Variants in PPP3CC observed in about 807,000 individuals in gnomAD.
PPP3CC encodes protein phosphatase 3 catalytic subunit gamma, also known as serine/threonine-protein phosphatase 2B catalytic subunit gamma isoform.
In PPP3CC, 35 loss-of-function variants were observed where a neutral mutation model predicts 60.3. The observed-to-expected ratio is 0.58, with a 90% confidence interval of 0.44 to 0.77. The LOEUF (loss-of-function observed/expected upper bound fraction) is 0.77, where lower values mean the gene tolerates loss of function less well. Among genes scored for constraint, PPP3CC ranks in the 30% least tolerant of loss-of-function variants. The probability of loss-of-function intolerance (pLI) is 0.00; values close to 1 mark genes in which losing one functional copy is unlikely to be tolerated. For synonymous variants in PPP3CC, 206 were observed against 224.3 expected (o/e 0.92, Z 0.73); for missense variants, 570 against 628.9 (o/e 0.91, Z 1.00).
intron 1 of PPP3CC, among the ~76,000 whole-genome samples, chr8:22,456,739 A>G (rs1837206093): frequency 2.0e-5 from 3 of 152,326 alleles, no homozygotes; most frequent in East Asian, 1.9e-4. Context: ...CTTCCCCTGT[A>G]TAGCTACACC....
chr8:22,462,085 A>G (rs544197534), intron 1 of PPP3CC, among the ~76,000 whole-genome samples: 1 of 152,090 alleles, frequency 6.6e-6, no homozygotes, highest in African/African-American at 2.4e-5. Flanking sequence ...AAATTTTTTT[A>G]AAATTAAAAT....
chr8:22,540,590 C>T, intron 13 of PPP3CC, 25 bp from the exon 14 acceptor site: 7 of 1,604,794 alleles, frequency 4.4e-6, no homozygotes, highest in Non-Finnish European at 5.1e-6. Flanking sequence ...TGAGCTCTCT[C>T]CACCTGCTTC....
At position 22,501,272 on chromosome 8, in the gene PPP3CC, T is replaced by C. The variant is rs540409403; in HGVS notation, c.484+3160T>C. 4.3e-4 allele frequency among the ~76,000 whole-genome samples: 66 copies of C among 152,380 alleles called. No individual in the cohort carries two copies. In the Middle Eastern group the frequency reaches 0.01, roughly 24 times the overall value. On this transcript the variant is annotated intron_variant, in intron 4 of 13. Coordinates refer to ENST00000240139, the MANE Select transcript of PPP3CC (RefSeq NM_005605.5). ...GATCTAGCAATTTCATTTGTAGGAA[T>C]TTATTATGCAGATTGTGTTACTTTT...
chr8:22,498,219 C>T (rs1410409632), intron 4 of PPP3CC, 107 bp downstream of exon 4: 2 of 599,002 alleles, frequency 3.3e-6, no homozygotes, highest in African/African-American at 3.8e-5. Flanking sequence ...TGCTTCCTGT[C>T]CTGTTGTTAT....
intron 1 of PPP3CC, among the ~76,000 whole-genome samples, chr8:22,464,653 A>G (rs1837465277): frequency 1.3e-5 from 2 of 152,198 alleles, no homozygotes; most frequent in African/African-American, 4.8e-5. Context: ...GAGTGATGAG[A>G]TTCTTTTTAT....
intron 1 of PPP3CC, among the ~76,000 whole-genome samples, chr8:22,462,897 C>G (rs1443575809): frequency 6.6e-6 from 1 of 152,184 alleles, no homozygotes; most frequent in Non-Finnish European, 1.5e-5. Flanking sequence ...CTGCAACACA[C>G]TGAAACTCAG....
intron 8 of PPP3CC, among the ~76,000 whole-genome samples, chr8:22,524,121 A>G (rs886801553): frequency 5.3e-5 from 8 of 152,240 alleles, no homozygotes; most frequent in Admixed American, 3.9e-4. Flanking sequence ...ATAAATTACT[A>G]TAATAATACA....
intron 5 of PPP3CC, among the ~76,000 whole-genome samples, chr8:22,511,627 A>G (rs1292637587): frequency 6.6e-6 from 1 of 152,218 alleles, no homozygotes; most frequent in Non-Finnish European, 1.5e-5. Flanking sequence ...AATCTTTAAA[A>G]TATAGATAAT....
At chr8:22,526,242 CTTG>C (rs1484416493) in intron 8 of PPP3CC, among the ~76,000 whole-genome samples, 1 of 152,114 alleles carries the variant, frequency 6.6e-6, no homozygotes, top group African/African-American at 2.4e-5. Context: ...GATTCTTATT[CTTG>C]TTTTCTTCTG....
chr8:22,460,869 A>G (rs962924723), intron 1 of PPP3CC, among the ~76,000 whole-genome samples: 24 of 152,078 alleles, frequency 1.6e-4, no homozygotes, highest in African/African-American at 5.8e-4. Flanking sequence ...TTTTTGAGAT[A>G]GAGTCTTGCT....
chr8:22,507,747 G>A (rs1016186975), intron 4 of PPP3CC, among the ~76,000 whole-genome samples: 3 of 152,138 alleles, frequency 2.0e-5, no homozygotes, highest in Non-Finnish European at 4.4e-5. Flanking sequence ...TGTTTAGGGT[G>A]TTATTATTAT....
Position 22,441,381 on chromosome 8 carries a change from C to G in PPP3CC, c.-29C>G. 6.6e-7 allele frequency: 1 copy of G among 1,526,210 alleles called. No homozygotes were observed. The highest frequency in any genetic ancestry group is 1.2e-5 in the South Asian group (1 of 81,656). The allele number at this position is 1,526,210 out of a possible 1,614,324, so 94.5% of individuals were successfully genotyped here. On this transcript the variant is annotated 5_prime_UTR_variant, in exon 1 of 14. Coordinates refer to ENST00000240139, the MANE Select transcript of PPP3CC (RefSeq NM_005605.5). ...GGCGTAGGCGCACGTCCGGCGGGCT[C>G]CTGGAGCCTGGAGGAGGCCGAGGGG...
chr8:22,461,903 T>C (rs1468701432), intron 1 of PPP3CC, among the ~76,000 whole-genome samples: 1 of 152,146 alleles, frequency 6.6e-6, no homozygotes, highest in African/African-American at 2.4e-5. Flanking sequence ...GATCAGTTTG[T>C]GGTACTAGAA....
At chr8:22,526,429 A>C (rs1839563729) in intron 8 of PPP3CC, among the ~76,000 whole-genome samples, 1 of 152,244 alleles carries the variant, frequency 6.6e-6, no homozygotes, top group Non-Finnish European at 1.5e-5. Context: ...AAATAATGGA[A>C]CATGTACATC....
intron 1 of PPP3CC, among the ~76,000 whole-genome samples, chr8:22,468,994 A>G (rs974721223): frequency 3.9e-5 from 6 of 152,216 alleles, no homozygotes; most frequent in African/African-American, 1.2e-4. Context: ...TGATCCAGCA[A>G]TCGCACTACT....
intron 3 of PPP3CC, among the ~76,000 whole-genome samples, chr8:22,484,649 G>C (rs186405633): frequency 6.6e-6 from 1 of 152,318 alleles, no homozygotes; most frequent in Admixed American, 6.5e-5. Flanking sequence ...TTCTAACAAG[G>C]TCTGTTCAGT....
intron 3 of PPP3CC, among the ~76,000 whole-genome samples, chr8:22,478,331 T>C (rs1837960548): frequency 6.6e-6 from 1 of 151,388 alleles, no homozygotes; most frequent in Admixed American, 6.6e-5. Flanking sequence ...TCTGTATTTT[T>C]AGTAGAGATG....
chr8:22,477,865 T>A (rs201666699), intron 3 of PPP3CC, among the ~76,000 whole-genome samples: 1 of 144,656 alleles, frequency 6.9e-6, no homozygotes, highest in Non-Finnish European at 1.5e-5. Context: ...TTATTTATTT[T>A]TTGAGACAGA....
chr8:22,517,303 C>T (rs1026727397), intron 6 of PPP3CC, among the ~76,000 whole-genome samples: 5 of 152,166 alleles, frequency 3.3e-5, no homozygotes, highest in African/African-American at 9.7e-5. Context: ...AATCTATGTT[C>T]ATCAGAGATA....
Sources: allele counts gnomAD v4.1 joint callset (sites outside exome capture counted in the v4.1 genomes callset), GRCh38; gene constraint gnomAD v4.1.1; transcripts MANE v1.5; gene names NCBI Gene and HGNC (gene_info 2026-07-23, HGNC 2026-07-21).